The following CALN1 variants were observed in gnomAD, a reference collection of about 807,000 sequenced individuals.
CALN1 encodes calcium-binding protein 8.
CALN1 carries 17 observed loss-of-function variants against 30.6 expected under a neutral mutation model. That is an observed-to-expected ratio of 0.56 (90% CI 0.38 to 0.83). The LOEUF (loss-of-function observed/expected upper bound fraction) is 0.83. Among genes scored for constraint, CALN1 ranks in the 40% least tolerant of loss-of-function variants. CALN1 has a pLI of 0.00. For synonymous variants in CALN1, 156 were observed against 131.4 expected (o/e 1.19, Z -1.28); for missense variants, 291 against 354.9 (o/e 0.82, Z 1.45).
intron 4 of CALN1, among the ~76,000 whole-genome samples, chr7:72,073,067 A>G (rs944723821): frequency 6.6e-6 from 1 of 152,218 alleles, no homozygotes; most frequent in Non-Finnish European, 1.5e-5. Flanking sequence ...CAGTCAATCT[A>G]AAAAAGGAAG....
In CALN1 at chr7:71,822,021, A is replaced by C. The variant is rs148471550; in HGVS notation, c.502-11529T>G. Among the ~76,000 whole-genome samples, 15 of 152,088 alleles carry C rather than the reference A, an allele frequency of 9.9e-5. 1 individual carries two copies. The highest frequency in any genetic ancestry group is 9.7e-4 in the East Asian group (5 of 5,132). ...TGAGCTCAAGTAATCTGTCCGCCTC[A>C]GCCTCCCAAAGTTCTGTGACCACAG... is the stretch of plus-strand genomic sequence containing the variant. On this transcript the variant is annotated intron_variant, in intron 5 of 6. Coordinates refer to ENST00000395275, the MANE Select transcript of CALN1 (RefSeq NM_031468.4).
At chr7:72,047,390 C>A (rs1269012076) in intron 4 of CALN1, among the ~76,000 whole-genome samples, 1 of 152,052 alleles carries the variant, frequency 6.6e-6, no homozygotes, top group Non-Finnish European at 1.5e-5. Context: ...GAGTTTGAGA[C>A]CAGCCTGGAC....
chr7:72,140,942 G>C (rs1809887668), intron 3 of CALN1, among the ~76,000 whole-genome samples: 1 of 152,230 alleles, frequency 6.6e-6, no homozygotes, highest in African/African-American at 2.4e-5. Flanking sequence ...GGAGGAGGAA[G>C]ACAGCCCCAT....
At chr7:72,247,223 C>CT (rs1795235414) in intron 3 of CALN1, among the ~76,000 whole-genome samples, 1 of 43,490 alleles carries the variant, frequency 2.3e-5, no homozygotes, top group Admixed American at 2.9e-4. Context: ...AGACCATTTT[C>CT]TTTCTTTTTT....
At chr7:72,308,340 G>A (rs1799790677) in intron 2 of CALN1, among the ~76,000 whole-genome samples, 2 of 136,672 alleles carry the variant, frequency 1.5e-5, no homozygotes, top group Non-Finnish European at 3.1e-5. Flanking sequence ...CTCCAGCCTG[G>A]GCCACAGAGT....
Position 71,818,462 on chromosome 7 carries a change from G to A in CALN1, c.502-7970C>T, listed in dbSNP as rs555560515. On this transcript the variant is annotated intron_variant, in intron 5 of 6. Coordinates refer to ENST00000395275, the MANE Select transcript of CALN1 (RefSeq NM_031468.4). ...AAGGAATGAGGTGAGGGATATGGGT[G>A]GGGCACTAGTCAGTAAAGGCCTTGT... Among the ~76,000 whole-genome samples the A allele has an allele frequency of 1.1e-4, 17 of 152,128 alleles. No individual in the cohort carries two copies. In the South Asian group the frequency reaches 2.9e-3, roughly 26 times the overall value.
chr7:72,303,169 T>C (rs1049755395), intron 2 of CALN1, among the ~76,000 whole-genome samples: 32 of 150,306 alleles, frequency 2.1e-4, no homozygotes, highest in Admixed American at 1.3e-3. Context: ...GCAAAAGGAG[T>C]CCAAGAAATG....
chr7:72,281,508 C>T (rs1251339671), intron 2 of CALN1, among the ~76,000 whole-genome samples: 2 of 152,162 alleles, frequency 1.3e-5, no homozygotes, highest in Admixed American at 6.5e-5. Context: ...TCTTCATAAA[C>T]ATGGGAAGAC....
At chr7:72,401,390 TTC>T (rs756457628) in intron 2 of CALN1, among the ~76,000 whole-genome samples, 4 of 152,096 alleles carry the variant, frequency 2.6e-5, no homozygotes, top group Admixed American at 1.3e-4. Context: ...CTTTTTGGCT[TTC>T]TCTCTCTCAG....
chr7:72,205,575 T>TACATATATATATATACATATATATATAC (rs1196690990), intron 3 of CALN1, among the ~76,000 whole-genome samples: 1 of 119,634 alleles, frequency 8.4e-6, no homozygotes, highest in African/African-American at 4.2e-5. Flanking sequence ...TATGTATATA[T>TACATATATATATATACATATATATATAC]ATATATATAT....
chr7:71,977,467 C>T (rs985088548), intron 5 of CALN1, among the ~76,000 whole-genome samples: 1 of 151,908 alleles, frequency 6.6e-6, no homozygotes, highest in East Asian at 1.9e-4. Context: ...AAAATGAAAA[C>T]GTGAGTTTGA....
intron 2 of CALN1, among the ~76,000 whole-genome samples, chr7:72,286,372 A>G (rs1798080395): frequency 6.6e-6 from 1 of 152,206 alleles, no homozygotes; most frequent in African/African-American, 2.4e-5. Context: ...GGAAGGTCTG[A>G]GACGTGGACC....
rs375534442 is a variant in CALN1, at chr7:72,388,882, C to T, written c.119+14369G>A. Reference sequence around the variant, plus strand: ...TGGGCTCCTTCTAGTTGGTGCAATGCTTTCAGGATTCCTGGTATCTGCCCT... The same window carrying T: ...TGGGCTCCTTCTAGTTGGTGCAATGTTTTCAGGATTCCTGGTATCTGCCCT... On this transcript the variant is annotated intron_variant, in intron 2 of 6. Coordinates refer to ENST00000395275, the MANE Select transcript of CALN1 (RefSeq NM_031468.4). Among the ~76,000 whole-genome samples, 5 of 152,282 alleles carry T rather than the reference C, an allele frequency of 3.3e-5. No individual in the cohort carries two copies. In the East Asian group the frequency reaches 9.7e-4, roughly 29 times the overall value.
intron 2 of CALN1, among the ~76,000 whole-genome samples, chr7:72,353,071 C>T (rs563550810): frequency 3.3e-5 from 5 of 152,274 alleles, no homozygotes; most frequent in South Asian, 2.1e-4. Flanking sequence ...ATTCCTATAT[C>T]TTTTAAAGAA....
chr7:71,926,552 T>C (rs1004275443), intron 5 of CALN1, among the ~76,000 whole-genome samples: 7 of 152,232 alleles, frequency 4.6e-5, no homozygotes, highest in Non-Finnish European at 8.8e-5. Flanking sequence ...TATTTGTAGA[T>C]AGTGTTCTGC....
At chr7:71,806,470 C>T (rs1475589614) in intron 6 of CALN1, among the ~76,000 whole-genome samples, 1 of 152,078 alleles carries the variant, frequency 6.6e-6, no homozygotes, top group Non-Finnish European at 1.5e-5. Flanking sequence ...CCACACCTGA[C>T]TAATTTTTGT....
At chr7:72,053,908 G>A (rs988255564) in intron 4 of CALN1, among the ~76,000 whole-genome samples, 5 of 151,614 alleles carry the variant, frequency 3.3e-5, no homozygotes, top group Non-Finnish European at 7.4e-5. Flanking sequence ...CCATTCCTGA[G>A]TTACTTCACT....
intron 4 of CALN1, among the ~76,000 whole-genome samples, chr7:72,056,308 A>G (rs1803253270): frequency 6.6e-6 from 1 of 152,174 alleles, no homozygotes; most frequent in African/African-American, 2.4e-5. Context: ...ATATCTAGTA[A>G]TAAAATCTAT....
chr7:72,371,299 G>A (rs1010992766), intron 2 of CALN1, among the ~76,000 whole-genome samples: 1 of 152,116 alleles, frequency 6.6e-6, no homozygotes, highest in African/African-American at 2.4e-5. Context: ...GTATGCATAT[G>A]ATATGGTCAG....
Sources: gnomAD v4.1 joint callset for allele counts (sites outside exome capture counted in the v4.1 genomes callset) on GRCh38, gnomAD v4.1.1 for gene constraint, MANE v1.5 for transcripts, NCBI Gene and HGNC (gene_info 2026-07-23, HGNC 2026-07-21) for gene names.